SGCZ: variants seen among roughly 807,000 people sequenced by gnomAD.
The protein encoded by SGCZ is zeta-sarcoglycan.
In SGCZ, 40 loss-of-function variants were observed where a neutral mutation model predicts 41.3. The ratio of observed to expected loss-of-function variants is 0.97; its 90% CI spans 0.75 to 1.26. The LOEUF is 1.26. Among genes scored for constraint, SGCZ ranks in the 50% most tolerant of loss-of-function variants. The pLI, the probability that SGCZ is intolerant of heterozygous loss-of-function variation, is 0.00. For missense variants in SGCZ, 552 were observed against 369.8 expected, an observed-to-expected ratio of 1.49 and a Z score of -4.04; for synonymous variants, 206 against 137.5, an observed-to-expected ratio of 1.50 and a Z score of -3.49.
In SGCZ at chr8:14,677,367, T is replaced by A. The variant is rs147372017; in HGVS notation, c.40-122441A>T. Reference sequence around the variant, plus strand: ...AGGAACACTCAATATTGTCAATATATTAGTTCTTCCCAACTTGATTCATAG... The same window carrying A: ...AGGAACACTCAATATTGTCAATATAATAGTTCTTCCCAACTTGATTCATAG... On this transcript the variant is annotated intron_variant, in intron 1 of 7. Coordinates refer to ENST00000382080, the MANE Select transcript of SGCZ (RefSeq NM_139167.4). Among the ~76,000 whole-genome samples, 943 of 152,308 alleles carry A rather than the reference T, an allele frequency of 6.2e-3. 12 individuals carry two copies. Among genetic ancestry groups the A allele is most frequent in the African/African-American group, 0.021 (853 of 41,568 alleles).
intron 2 of SGCZ, among the ~76,000 whole-genome samples, chr8:14,487,595 G>T (rs897963148): frequency 9.0e-6 from 1 of 111,604 alleles, no homozygotes; most frequent in East Asian, 2.5e-4. Context: ...TGTTTCTTAG[G>T]GGTAAAATAT....
At chr8:14,350,391 T>A (rs1803045376) in intron 2 of SGCZ, among the ~76,000 whole-genome samples, 1 of 152,158 alleles carries the variant, frequency 6.6e-6, no homozygotes, top group Admixed American at 6.5e-5. Flanking sequence ...TATTTTAGCT[T>A]GGAGTTGTAT....
intron 1 of SGCZ, among the ~76,000 whole-genome samples, chr8:15,057,262 G>T (rs979284629): frequency 2.6e-5 from 4 of 152,160 alleles, no homozygotes; most frequent in African/African-American, 9.7e-5. Context: ...GAATATGCAG[G>T]AAGGTTCCAA....
intron 1 of SGCZ, among the ~76,000 whole-genome samples, chr8:15,139,635 A>G (rs1314481331): frequency 1.3e-5 from 2 of 152,078 alleles, no homozygotes; most frequent in South Asian, 2.1e-4. Context: ...AAAACCAGCT[A>G]AAGTCTACTT....
intron 4 of SGCZ, among the ~76,000 whole-genome samples, chr8:14,184,328 A>G (rs1018243101): frequency 4.6e-5 from 7 of 152,162 alleles, no homozygotes; most frequent in African/African-American, 1.7e-4. Context: ...TATGGCCTGG[A>G]CATAAATTAG....
intron 1 of SGCZ, among the ~76,000 whole-genome samples, chr8:15,051,059 AG>A (rs1804495838): frequency 6.6e-6 from 1 of 152,180 alleles, no homozygotes; most frequent in Non-Finnish European, 1.5e-5. Context: ...GTAGTTTAAT[AG>A]GTTTGATAGT....
intron 2 of SGCZ, among the ~76,000 whole-genome samples, chr8:14,417,632 C>A (rs139592322): frequency 6.6e-6 from 1 of 151,540 alleles, no homozygotes; most frequent in Non-Finnish European, 1.5e-5. Context: ...TTTGAATAAA[C>A]ATAAAAATAA....
At chr8:14,766,986 C>A (rs1447770492) in intron 1 of SGCZ, among the ~76,000 whole-genome samples, 1 of 152,068 alleles carries the variant, frequency 6.6e-6, no homozygotes, top group African/African-American at 2.4e-5. Context: ...CATATAAATT[C>A]TTCAGAAACT....
At chr8:14,590,073 T>C (rs984480933) in intron 1 of SGCZ, among the ~76,000 whole-genome samples, 16 of 151,876 alleles carry the variant, frequency 1.1e-4, no homozygotes, top group African/African-American at 3.6e-4. Context: ...GTAGTAAGAA[T>C]TGACTTCCCA....
intron 2 of SGCZ, among the ~76,000 whole-genome samples, chr8:14,332,959 T>G (rs1802390393): frequency 6.6e-6 from 1 of 150,916 alleles, no homozygotes; most frequent in South Asian, 2.1e-4. Flanking sequence ...ATATAAAATG[T>G]TCACATACGA....
chr8:14,864,532 C>T (rs1428189220), intron 1 of SGCZ, among the ~76,000 whole-genome samples: 1 of 152,104 alleles, frequency 6.6e-6, no homozygotes, highest in African/African-American at 2.4e-5. Context: ...CCACTAGAAT[C>T]TTGTGTCCCG....
chr8:14,374,334 C>T (rs1156795734), intron 2 of SGCZ, among the ~76,000 whole-genome samples: 1 of 151,992 alleles, frequency 6.6e-6, no homozygotes, highest in Admixed American at 6.6e-5. Flanking sequence ...GACAGAGAGA[C>T]CCTGTCTCAA....
At chr8:14,137,515 A>T (rs1468043187) in intron 5 of SGCZ, among the ~76,000 whole-genome samples, 2 of 152,218 alleles carry the variant, frequency 1.3e-5, no homozygotes, top group Non-Finnish European at 2.9e-5. Context: ...CAATGGCATG[A>T]GAACTATGTG....
At chr8:14,188,520 G>A (rs1256155431) in intron 4 of SGCZ, among the ~76,000 whole-genome samples, 1 of 152,126 alleles carries the variant, frequency 6.6e-6, no homozygotes, top group Non-Finnish European at 1.5e-5. Flanking sequence ...CAGAAAGTAG[G>A]GTAGTAATTG....
intron 1 of SGCZ, among the ~76,000 whole-genome samples, chr8:14,850,479 G>T (rs775556364): frequency 1.3e-5 from 2 of 152,176 alleles, no homozygotes; most frequent in Non-Finnish European, 2.9e-5. Context: ...TGAGAAACGT[G>T]TGAGAAGGCT....
chr8:14,437,016 A>G (rs938407246), intron 2 of SGCZ, among the ~76,000 whole-genome samples: 9 of 152,210 alleles, frequency 5.9e-5, no homozygotes, highest in African/African-American at 2.2e-4. Flanking sequence ...TTCATCCTTT[A>G]CCAGGAGCGG....
chr8:14,560,080 G>A (rs540955004), intron 1 of SGCZ, among the ~76,000 whole-genome samples: 1 of 152,058 alleles, frequency 6.6e-6, no homozygotes, highest in African/African-American at 2.4e-5. Flanking sequence ...AGTATGAAGA[G>A]AATTTGGTTA....
chr8:14,754,379 G>T (rs2130329488), intron 1 of SGCZ, among the ~76,000 whole-genome samples: 1 of 152,108 alleles, frequency 6.6e-6, no homozygotes, highest in Non-Finnish European at 1.5e-5. Flanking sequence ...CTTTTCCATA[G>T]TAGATACTAC....
chr8:14,363,923 C>T (rs982268969), intron 2 of SGCZ, among the ~76,000 whole-genome samples: 1 of 152,122 alleles, frequency 6.6e-6, no homozygotes, highest in Non-Finnish European at 1.5e-5. Context: ...ACTGTTTCCT[C>T]CTTTGCCTTT....
Sources: allele counts gnomAD v4.1 joint callset (sites outside exome capture counted in the v4.1 genomes callset), GRCh38; gene constraint gnomAD v4.1.1; transcripts MANE v1.5; gene names NCBI Gene and HGNC (gene_info 2026-07-23, HGNC 2026-07-21).